RNGTT: variants seen among roughly 807,000 people sequenced by gnomAD.
The protein encoded by RNGTT is RNA guanylyltransferase and 5'-phosphatase, also known as mRNA-capping enzyme.
Under a neutral mutation model 79.3 loss-of-function variants are expected in RNGTT, and 33 were observed. The ratio of observed to expected loss-of-function variants is 0.42; its 90% CI spans 0.32 to 0.56. The LOEUF (loss-of-function observed/expected upper bound fraction) is 0.56. Among genes scored for constraint, RNGTT ranks in the 20% least tolerant of loss-of-function variants. The probability of loss-of-function intolerance (pLI) is 0.17; values close to 1 mark genes in which losing one functional copy is unlikely to be tolerated. For synonymous variants in RNGTT, 222 were observed against 235.9 expected (o/e 0.94, Z 0.54); for missense variants, 497 against 739.1 (o/e 0.67, Z 3.80).
Position 88,928,999 on chromosome 6 carries a change from G to T in RNGTT, c.353C>A (p.Pro118Gln), listed in dbSNP as rs780427337. Residue 118 changes from proline to glutamine, a missense_variant, in exon 4 of 16, where the codon CCA becomes CAA. Transcript: ENST00000369485. ...RLCERFNERN[P>Q]PELIGVHCTH... ...GCCAAACATACCTATAAGTTCAGGT[G>T]GATTTCTTTCATTAAACCGCTCACA... 6.2e-7 allele frequency: 1 copy of T among 1,609,162 alleles called. No individual in the cohort carries two copies. Among genetic ancestry groups the T allele is most frequent in the Non-Finnish European group, 8.5e-7 (1 of 1,177,588 alleles).
chr6:88,751,233 T>TA (rs1243506441), intron 13 of RNGTT, among the ~76,000 whole-genome samples: 1 of 152,168 alleles, frequency 6.6e-6, no homozygotes, highest in Non-Finnish European at 1.5e-5. Flanking sequence ...AATTTACAGT[T>TA]AATTTATTCT....
At position 88,655,565 on chromosome 6, in the gene RNGTT, G is replaced by C. The variant is rs1379682380; in HGVS notation, c.1506+22788C>G. 2.6e-5 allele frequency among the ~76,000 whole-genome samples: 4 copies of C among 152,206 alleles called. No homozygotes were observed. In the East Asian group the frequency reaches 7.7e-4, roughly 29 times the overall value. ...TCAGCAGGGACAGAACCAGACTGAGGCAGGGAATAATGTTGCTGTACTGAC... is the reference window on the plus strand; with the variant it reads ...TCAGCAGGGACAGAACCAGACTGAGCCAGGGAATAATGTTGCTGTACTGAC... On this transcript the variant is annotated intron_variant, in intron 14 of 15. Transcript: ENST00000369485.
At position 88,663,771 on chromosome 6, in the gene RNGTT, T is replaced by C. The variant is rs1003046384; in HGVS notation, c.1506+14582A>G. ...TGGCAGCTTGCTTGCAACCTAAAAC[T>C]GGGACACAAATGCCCCTAAGAGAGC... On this transcript the variant is annotated intron_variant, in intron 14 of 15. Transcript: ENST00000369485. Among the ~76,000 whole-genome samples, 12 of 152,220 alleles carry C rather than the reference T, an allele frequency of 7.9e-5. No individual in the cohort carries two copies. The East Asian group carries it at 2.3e-3, about 29-fold the overall frequency.
intron 12 of RNGTT, among the ~76,000 whole-genome samples, chr6:88,780,086 T>C (rs1304091115): frequency 6.6e-6 from 1 of 152,222 alleles, no homozygotes; most frequent in Non-Finnish European, 1.5e-5. Flanking sequence ...ATGACACAGA[T>C]TCTATGAGTA....
intron 1 of RNGTT, among the ~76,000 whole-genome samples, chr6:88,958,620 C>A (rs1237301040): frequency 6.6e-6 from 1 of 152,152 alleles, no homozygotes; most frequent in Non-Finnish European, 1.5e-5. Context: ...AAATGTTCAA[C>A]ATCACTATCA....
chr6:88,701,576 T>C (rs1237395090), intron 13 of RNGTT, among the ~76,000 whole-genome samples: 1 of 152,108 alleles, frequency 6.6e-6, no homozygotes, highest in East Asian at 1.9e-4. Flanking sequence ...CTGTGTTAAG[T>C]ATAATTTTAT....
At chr6:88,815,732 C>A (rs1780293807) in intron 11 of RNGTT, among the ~76,000 whole-genome samples, 2 of 152,210 alleles carry the variant, frequency 1.3e-5, no homozygotes, top group Admixed American at 6.5e-5. Context: ...GTTGCCTTCT[C>A]TGTTAATGAG....
intron 13 of RNGTT, among the ~76,000 whole-genome samples, chr6:88,709,322 G>A (rs1582364498): frequency 6.6e-6 from 1 of 151,732 alleles, no homozygotes; most frequent in Non-Finnish European, 1.5e-5. Context: ...AAAAAAGGAG[G>A]ATTAAGAAAA....
chr6:88,711,777 T>C (rs1184448357), intron 13 of RNGTT, among the ~76,000 whole-genome samples: 1 of 152,200 alleles, frequency 6.6e-6, no homozygotes, highest in Non-Finnish European at 1.5e-5. Context: ...GTAAGGAGCA[T>C]TTGTTAGTTC....
intron 12 of RNGTT, 134 bp from the exon 13 acceptor site, chr6:88,770,008 A>G (rs1386199560): frequency 1.7e-5 from 10 of 595,122 alleles, no homozygotes; most frequent in Non-Finnish European, 2.3e-5. Context: ...TTCAACCAAC[A>G]AGTCAGGCTA....
At position 88,949,054 on chromosome 6, in the gene RNGTT, T is replaced by G. The variant is rs532815255; in HGVS notation, c.65-7874A>C. ...TATCTGCTGACCTTCCCTCCACTAT[T>G]GTCCCATGACCCTGCCAAATCCCCC... On this transcript the variant is annotated intron_variant, in intron 1 of 15. Transcript: ENST00000369485. 4.7e-3 allele frequency among the ~76,000 whole-genome samples: 569 copies of G among 119,926 alleles called. 5 individuals carry two copies. The highest frequency in any genetic ancestry group is 0.018 in the African/African-American group (551 of 30,428). 78.7% of individuals were successfully genotyped at this position (119,926 alleles called of 152,430 possible). A position where few individuals can be genotyped will look rare whatever the true frequency, so the allele number is the denominator to read the frequency against.
intron 12 of RNGTT, among the ~76,000 whole-genome samples, chr6:88,784,556 A>C (rs920760375): frequency 6.6e-6 from 1 of 151,966 alleles, no homozygotes; most frequent in African/African-American, 2.4e-5. Flanking sequence ...TTCTTTAGAG[A>C]CTATTTCAGT....
intron 14 of RNGTT, among the ~76,000 whole-genome samples, chr6:88,673,961 C>T (rs1774755452): frequency 6.6e-6 from 1 of 152,182 alleles, no homozygotes; most frequent in Admixed American, 6.5e-5. Flanking sequence ...CCTGCTGAAA[C>T]CTATTAGGAT....
chr6:88,727,424 T>C (rs1375470929), intron 13 of RNGTT, among the ~76,000 whole-genome samples: 1 of 152,202 alleles, frequency 6.6e-6, no homozygotes, highest in Non-Finnish European at 1.5e-5. Context: ...AGGTGTATCA[T>C]CCAGTTTTTC....
chr6:88,737,475 G>A (rs547073088), intron 13 of RNGTT, among the ~76,000 whole-genome samples: 1 of 152,268 alleles, frequency 6.6e-6, no homozygotes, highest in Admixed American at 6.5e-5. Flanking sequence ...TTGGGGGAAG[G>A]GAGGCAGGGC....
chr6:88,884,346 T>G (rs1023875328), intron 8 of RNGTT, among the ~76,000 whole-genome samples: 7 of 152,164 alleles, frequency 4.6e-5, no homozygotes, highest in African/African-American at 1.7e-4. Flanking sequence ...TGAAATGCAG[T>G]GGTTTCTAGA....
chr6:88,804,387 TA>T (rs2127865401), intron 11 of RNGTT, among the ~76,000 whole-genome samples: 1 of 152,336 alleles, frequency 6.6e-6, no homozygotes, highest in Admixed American at 6.5e-5. Context: ...CTCACACCTG[TA>T]ATTCTGGCAC....
chr6:88,680,502 G>A (rs1241072201), intron 13 of RNGTT, among the ~76,000 whole-genome samples: 1 of 152,100 alleles, frequency 6.6e-6, no homozygotes, highest in Non-Finnish European at 1.5e-5. Context: ...AGCACTTTGG[G>A]AAGCCGAGGA....
intron 13 of RNGTT, among the ~76,000 whole-genome samples, chr6:88,687,878 T>C (rs1775335884): frequency 1.3e-5 from 2 of 152,114 alleles, no homozygotes; most frequent in African/African-American, 4.8e-5. Flanking sequence ...GAGTGACATA[T>C]CTATGAGAGT....
Sources: gnomAD v4.1 joint callset for allele counts (sites outside exome capture counted in the v4.1 genomes callset) on GRCh38, gnomAD v4.1.1 for gene constraint, MANE v1.5 for transcripts, NCBI Gene and HGNC (gene_info 2026-07-23, HGNC 2026-07-21) for gene names.